ALK: variants seen among roughly 807,000 people sequenced by gnomAD.
The protein encoded by ALK is ALK receptor tyrosine kinase.
In ALK, 74 loss-of-function variants were observed where a neutral mutation model predicts 163.1. That is an observed-to-expected ratio of 0.45 (90% CI 0.38 to 0.55). ALK has a LOEUF of 0.55. Among genes scored for constraint, ALK ranks in the 20% least tolerant of loss-of-function variants. ALK has a pLI of 0.00. For synonymous variants in ALK, 960 were observed against 843.2 expected (o/e 1.14, Z -2.40); for missense variants, 2,063 against 2,105.3 (o/e 0.98, Z 0.39).
intron 1 of ALK, among the ~76,000 whole-genome samples, chr2:29,905,856 C>T (rs1032208086): frequency 5.3e-5 from 8 of 152,154 alleles, no homozygotes; most frequent in Non-Finnish European, 8.8e-5. Flanking sequence ...AACCTTTGCT[C>T]ATACTTCACA....
intron 6 of ALK, among the ~76,000 whole-genome samples, chr2:29,325,461 C>T (rs533519248): frequency 6.6e-6 from 1 of 152,194 alleles, no homozygotes; most frequent in South Asian, 2.1e-4. Flanking sequence ...TGTCAGTAGG[C>T]ATCACTTTAC....
chr2:29,561,517 A>G (rs1674022776), intron 3 of ALK, among the ~76,000 whole-genome samples: 1 of 152,200 alleles, frequency 6.6e-6, no homozygotes, highest in African/African-American at 2.4e-5. Flanking sequence ...TGTCAATGGC[A>G]CATCCATCGC....
chr2:29,346,365 T>TCACACC (rs1667949134), intron 5 of ALK, among the ~76,000 whole-genome samples: 2 of 152,184 alleles, frequency 1.3e-5, no homozygotes, highest in Non-Finnish European at 2.9e-5. Flanking sequence ...CACAGCTCAT[T>TCACACC]CACACCCCTG....
intron 1 of ALK, among the ~76,000 whole-genome samples, chr2:29,861,150 C>T (rs910961828): frequency 6.6e-6 from 1 of 151,996 alleles, no homozygotes; most frequent in African/African-American, 2.4e-5. Context: ...CCAGCCTGAG[C>T]GACAGCACAA....
intron 1 of ALK, among the ~76,000 whole-genome samples, chr2:29,877,559 T>A (rs1666756047): frequency 6.6e-6 from 1 of 152,220 alleles, no homozygotes; most frequent in Admixed American, 6.5e-5. Flanking sequence ...TATCACATAG[T>A]AGGTATTAAG....
chr2:29,536,770 T>A (rs1007757408), intron 3 of ALK, among the ~76,000 whole-genome samples: 3 of 152,274 alleles, frequency 2.0e-5, no homozygotes, highest in East Asian at 3.9e-4. Flanking sequence ...GATAGAAATA[T>A]GGACAGTGAA....
intron 1 of ALK, among the ~76,000 whole-genome samples, chr2:29,919,408 G>A (rs565474970): frequency 1.3e-5 from 2 of 148,262 alleles, no homozygotes; most frequent in African/African-American, 2.5e-5. Context: ...AGGATGAGTC[G>A]AGAGTGCATA....
Position 29,532,019 on chromosome 2 carries a change from C to A in ALK, c.1050G>T (p.Ser350=), listed in dbSNP as rs749145522. The A allele has an allele frequency of 1.2e-6, 2 of 1,614,104 alleles. No homozygotes were observed. The highest frequency in any genetic ancestry group is 1.7e-6 in the Non-Finnish European group (2 of 1,180,020). The change falls in exon 4 of 29, where the codon TCG becomes TCT. Residue 350 remains serine, a synonymous_variant. Coordinates refer to ENST00000389048, the MANE Select transcript of ALK (RefSeq NM_004304.5). ...CAGAGGGCTGCAGGTGCCTGTGCAC[C>A]GAGACGGCCAGTGTGCAGTGCTCAC... ...SSSEHCTLAV[S]VHRHLQPSGR... is the part of the protein sequence containing the mutation.
At chr2:29,844,964 T>G (rs918799747) in intron 1 of ALK, among the ~76,000 whole-genome samples, 2 of 151,558 alleles carry the variant, frequency 1.3e-5, no homozygotes, top group African/African-American at 4.9e-5. Context: ...CTCAACTCTT[T>G]GAGAAGCTTA....
intron 2 of ALK, among the ~76,000 whole-genome samples, chr2:29,709,546 G>A (rs554992910): frequency 3.3e-5 from 5 of 152,148 alleles, no homozygotes; most frequent in African/African-American, 1.2e-4. Context: ...AATGCTTAAC[G>A]TCTAGGAAGA....
chr2:29,254,490 C>A (rs1012482368), intron 11 of ALK, among the ~76,000 whole-genome samples: 2 of 152,170 alleles, frequency 1.3e-5, no homozygotes, highest in Non-Finnish European at 2.9e-5. Context: ...TGGGCTTCTA[C>A]TTCTGGCAAG....
chr2:29,575,815 T>C (rs1011546009), intron 3 of ALK, among the ~76,000 whole-genome samples: 1 of 152,124 alleles, frequency 6.6e-6, no homozygotes, highest in African/African-American at 2.4e-5. Context: ...CCCAGCATGG[T>C]GTTTCTTTTG....
intron 4 of ALK, among the ~76,000 whole-genome samples, chr2:29,484,836 G>C (rs1671742436): frequency 1.3e-5 from 2 of 152,000 alleles, no homozygotes; most frequent in African/African-American, 4.8e-5. Flanking sequence ...ACTCCTTTTT[G>C]TCAGCACTTT....
chr2:29,302,260 G>A (rs1666393156), intron 8 of ALK, among the ~76,000 whole-genome samples: 3 of 152,194 alleles, frequency 2.0e-5, no homozygotes, highest in East Asian at 1.9e-4. Context: ...GCTCACGCCT[G>A]TAATCCCAGC....
rs1190530202 is a variant in ALK, at chr2:29,277,770, G to A, written c.1818-2274C>T. On this transcript the variant is annotated intron_variant, in intron 9 of 28. Transcript: ENST00000389048. ...TTGGGCATGCCAGATGAGTGTGCAA[G>A]AGGGGATGGACAGCACAAGGACCCT... 2.6e-5 allele frequency among the ~76,000 whole-genome samples: 4 copies of A among 152,350 alleles called. No individual in the cohort carries two copies. The East Asian group carries it at 7.7e-4, about 29-fold the overall frequency.
intron 6 of ALK, among the ~76,000 whole-genome samples, chr2:29,325,800 T>A (rs1667239671): frequency 6.6e-6 from 1 of 152,224 alleles, no homozygotes; most frequent in African/African-American, 2.4e-5. Context: ...GTTGTAAGGA[T>A]GAAGCAAGTT....
chr2:29,228,814 A>G (rs569496204), intron 16 of ALK, 70 bp downstream of exon 16: 41 of 987,144 alleles, frequency 4.2e-5, no homozygotes, highest in South Asian at 1.3e-4. Context: ...AGGGGAGGGC[A>G]GGGCAGGGAG....
Position 29,251,200 on chromosome 2 carries a change from G to A in ALK, c.2109C>T (p.Asn703=), listed in dbSNP as rs560163657. Residue 703 remains asparagine, a synonymous_variant, in exon 12 of 29, where the codon AAC becomes AAT. Coordinates refer to ENST00000389048, the MANE Select transcript of ALK (RefSeq NM_004304.5). ...CGCTCAGGTTGGAGTTCTGGTAGGC[G>A]TTGTTGCACTGTGCCTGGGTGGGGC... ...PHGPTQAQCN[N]AYQNSNLSVE... The A allele has an allele frequency of 1.3e-4, 211 of 1,614,110 alleles. 3 individuals carry two copies. The South Asian group carries it at 1.4e-3, about 10-fold the overall frequency.
intron 4 of ALK, among the ~76,000 whole-genome samples, chr2:29,530,989 C>G (rs140152781): frequency 6.6e-6 from 1 of 152,122 alleles, no homozygotes; most frequent in Non-Finnish European, 1.5e-5. Context: ...CAAGAAATTA[C>G]GAAGGAGGCC....
Sources: gnomAD v4.1 joint callset for allele counts (sites outside exome capture counted in the v4.1 genomes callset) on GRCh38, gnomAD v4.1.1 for gene constraint, MANE v1.5 for transcripts, NCBI Gene and HGNC (gene_info 2026-07-23, HGNC 2026-07-21) for gene names.